The following PAPPA2 variants were observed in gnomAD, a reference collection of about 807,000 sequenced individuals.
PAPPA2 encodes the protein pappalysin-2.
Under a neutral mutation model 176.4 loss-of-function variants are expected in PAPPA2, and 86 were observed. That is an observed-to-expected ratio of 0.49 (90% CI 0.41 to 0.58). The LOEUF is 0.58. PAPPA2 is among the 20% of genes least tolerant of loss of function. The pLI, the probability that PAPPA2 is intolerant of heterozygous loss-of-function variation, is 0.00. For synonymous variants in PAPPA2, 809 were observed against 852.2 expected (o/e 0.95, Z 0.88); for missense variants, 2,073 against 2,256.9 (o/e 0.92, Z 1.65).
chr1:176,837,356 G>C (rs1245433025), intron 21 of PAPPA2, among the ~76,000 whole-genome samples: 2 of 151,850 alleles, frequency 1.3e-5, no homozygotes, highest in East Asian at 3.9e-4. Flanking sequence ...TCTCTGAGGG[G>C]TGTGTGTGTG....
chr1:176,471,955 T>C (rs1651898594), intron 1 of PAPPA2, among the ~76,000 whole-genome samples: 1 of 152,168 alleles, frequency 6.6e-6, no homozygotes, highest in Non-Finnish European at 1.5e-5. Context: ...TCTATCTCTT[T>C]GGCAAGGATA....
At chr1:176,557,263 T>C (rs758347841) in intron 2 of PAPPA2, 22 bp downstream of exon 2, 2 of 1,545,274 alleles carry the variant, frequency 1.3e-6, no homozygotes, top group Non-Finnish European at 1.7e-6. Context: ...CTCCTGGGCT[T>C]TCTGAAATCC....
intron 2 of PAPPA2, among the ~76,000 whole-genome samples, chr1:176,567,217 A>G (rs1376070662): frequency 6.6e-6 from 1 of 152,224 alleles, no homozygotes; most frequent in Non-Finnish European, 1.5e-5. Flanking sequence ...TCAGTGGGCA[A>G]ACAAAAACAT....
chr1:176,479,382 G>T (rs1460824348), intron 1 of PAPPA2, among the ~76,000 whole-genome samples: 2 of 152,046 alleles, frequency 1.3e-5, no homozygotes, highest in East Asian at 3.9e-4. Context: ...TTAAAAAAAG[G>T]CAGTGGTGAT....
At chr1:176,495,166 T>G (rs148114295) in intron 1 of PAPPA2, among the ~76,000 whole-genome samples, 128 of 152,350 alleles carry the variant, frequency 8.4e-4, no homozygotes, top group Non-Finnish European at 1.5e-3. Context: ...CATTGCTAAC[T>G]ATATGTCAGG....
In PAPPA2 at chr1:176,630,654, A is replaced by AG. The variant is rs1289268579; in HGVS notation, c.1991+35060dup. On this transcript the variant is annotated intron_variant, in intron 3 of 22. Coordinates refer to ENST00000367662, the MANE Select transcript of PAPPA2 (RefSeq NM_020318.3). ...AAGAAAGCAGTGGCAGCAAAAGTGG[A>AG]GAAAAAAAAGATGGATATAGGAAAC... 5.9e-5 allele frequency among the ~76,000 whole-genome samples: 9 copies of AG among 152,296 alleles called. No homozygotes were observed. In the South Asian group the frequency reaches 8.3e-4, roughly 14 times the overall value.
Position 176,710,006 on chromosome 1 carries a change from T to C in PAPPA2, c.3481T>C (p.Tyr1161His), listed in dbSNP as rs755083320. The C allele has an allele frequency of 9.9e-6, 16 of 1,612,280 alleles. No homozygotes were observed. In the Admixed American group the frequency reaches 2.2e-4, roughly 22 times the overall value. ...CVGEPSLCYM[Y>H]EGDGICEPFE... is the part of the protein sequence containing the mutation. ...AGGAGAGCCAAGCCTTTGCTACATG[T>C]ATGAGGGAGATGGCATATGTGAACC... Residue 1161 changes from tyrosine to histidine, a missense_variant, in exon 11 of 23, where the codon TAT becomes CAT. Tyr to His is a moderately conservative substitution (Grantham distance 83, BLOSUM62 2). This residue lies in a region of PAPPA2 where 846 missense variants were observed against 857.9 expected (regional missense o/e 0.99). Transcript: ENST00000367662.
At chr1:176,840,120 A>C in intron 21 of PAPPA2, 53 bp from the exon 22 acceptor site, 1 of 1,442,404 alleles carries the variant, frequency 6.9e-7, no homozygotes, top group South Asian at 1.2e-5. Flanking sequence ...TGGCAGAGTC[A>C]AACAAGACAT....
At chr1:176,791,553 T>A (rs746221980) in intron 19 of PAPPA2, 71 bp downstream of exon 19, 19 of 1,523,766 alleles carry the variant, frequency 1.2e-5, no homozygotes, top group Middle Eastern at 1.7e-4. Flanking sequence ...GAATTTTTTT[T>A]AATTTTATTT....
At chr1:176,528,136 C>T (rs1649597279) in intron 1 of PAPPA2, among the ~76,000 whole-genome samples, 1 of 152,112 alleles carries the variant, frequency 6.6e-6, no homozygotes, top group Non-Finnish European at 1.5e-5. Context: ...AAATGGGCTG[C>T]ATTCAATTGG....
intron 1 of PAPPA2, among the ~76,000 whole-genome samples, chr1:176,518,012 C>T (rs1419504639): frequency 1.3e-5 from 2 of 152,092 alleles, no homozygotes; most frequent in Non-Finnish European, 2.9e-5. Flanking sequence ...TCAAAGGGCT[C>T]GAATAGAACT....
chr1:176,465,168 T>G (rs964525176), intron 1 of PAPPA2, among the ~76,000 whole-genome samples: 2 of 152,236 alleles, frequency 1.3e-5, no homozygotes, highest in Admixed American at 1.3e-4. Context: ...ACATCTAAGT[T>G]GTTTTCAACT....
chr1:176,803,123 G>A (rs1309097660), intron 21 of PAPPA2, among the ~76,000 whole-genome samples: 2 of 152,156 alleles, frequency 1.3e-5, no homozygotes, highest in Non-Finnish European at 2.9e-5. Context: ...ATATGGGCAA[G>A]GAATGGCAAC....
chr1:176,632,665 T>A (rs1656417800), intron 3 of PAPPA2, among the ~76,000 whole-genome samples: 1 of 152,222 alleles, frequency 6.6e-6, no homozygotes, highest in Non-Finnish European at 1.5e-5. Context: ...GAAATAACTC[T>A]CCAAGGGAAT....
At chr1:176,730,323 T>G (rs990480823) in intron 12 of PAPPA2, among the ~76,000 whole-genome samples, 19 of 151,930 alleles carry the variant, frequency 1.3e-4, no homozygotes, top group African/African-American at 4.1e-4. Flanking sequence ...TTTTTTTCTA[T>G]TTTTTCCAAT....
intron 3 of PAPPA2, among the ~76,000 whole-genome samples, chr1:176,647,953 G>T (rs1168207684): frequency 6.6e-6 from 1 of 151,364 alleles, no homozygotes; most frequent in Non-Finnish European, 1.5e-5. Flanking sequence ...ATAAATTTCA[G>T]GATTCTTTTT....
chr1:176,801,879 G>A (rs1429418493), intron 21 of PAPPA2, among the ~76,000 whole-genome samples: 1 of 151,992 alleles, frequency 6.6e-6, no homozygotes, highest in Non-Finnish European at 1.5e-5. Context: ...ACATCAGCGG[G>A]GTCACTTATC....
chr1:176,690,718 G>A, intron 5 of PAPPA2: 6 of 1,220,974 alleles, frequency 4.9e-6, no homozygotes, highest in South Asian at 3.3e-5. Flanking sequence ...AAGCCCTCTT[G>A]TGATCCCCTT....
At chr1:176,806,591 T>A (rs1220713374) in intron 21 of PAPPA2, among the ~76,000 whole-genome samples, 1 of 152,186 alleles carries the variant, frequency 6.6e-6, no homozygotes, top group African/African-American at 2.4e-5. Flanking sequence ...CACAGCTCCA[T>A]CTCTAATTAG....
Sources: gnomAD v4.1 joint callset for allele counts (sites outside exome capture counted in the v4.1 genomes callset) on GRCh38, gnomAD v4.1.1 for gene constraint, gnomAD v4.1.1 regional missense constraint, MANE v1.5 for transcripts, NCBI Gene and HGNC (gene_info 2026-07-23, HGNC 2026-07-21) for gene names.